The following TUBB8 variants were observed in gnomAD, a reference collection of about 807,000 sequenced individuals.
TUBB8 encodes the protein tubulin beta 8 class VIII.
TUBB8 carries 25 observed loss-of-function variants against 33.7 expected under a neutral mutation model. The ratio of observed to expected loss-of-function variants is 0.74; its 90% CI spans 0.54 to 1.04. The LOEUF is 1.04. Ranked by LOEUF, TUBB8 falls within the 50% of genes least tolerant of loss-of-function variation. The pLI, the probability that TUBB8 is intolerant of heterozygous loss-of-function variation, is 0.00. For missense variants in TUBB8, 279 were observed against 608.0 expected (o/e 0.46, Z 5.69); for synonymous variants, 245 against 240.1 (o/e 1.02, Z -0.19).
intron 1 of TUBB8, among the ~76,000 whole-genome samples, chr10:71,008 C>A (rs1342738509): frequency 6.6e-6 from 1 of 151,892 alleles, no homozygotes; most frequent in East Asian, 1.9e-4. Flanking sequence ...CTTAGAGATC[C>A]CCATCAAAAA....
upstream of TUBB8, chr10:49,908 T>G (rs1481624099): frequency 5.6e-6 from 1 of 179,812 alleles, no homozygotes; most frequent in African/African-American, 2.4e-5. Context: ...GGGATACGCC[T>G]GCTGTGAAAG....
upstream of TUBB8, among the ~76,000 whole-genome samples, chr10:51,360 G>T (rs1314648618): frequency 7.9e-5 from 12 of 151,888 alleles, no homozygotes; most frequent in African/African-American, 2.9e-4. Flanking sequence ...CCACTGCCTT[G>T]GACTCCCAAA....
At chr10:60,868 C>T (rs1410680553) in intron 1 of TUBB8, among the ~76,000 whole-genome samples, 3 of 151,912 alleles carry the variant, frequency 2.0e-5, no homozygotes, top group Non-Finnish European at 4.4e-5. Flanking sequence ...AAATGTGGCA[C>T]ATATACACCA....
intron 1 of TUBB8, among the ~76,000 whole-genome samples, chr10:58,691 A>G (rs1470121427): frequency 6.6e-6 from 1 of 152,238 alleles, no homozygotes; most frequent in African/African-American, 2.4e-5. Context: ...TCATGAAGAT[A>G]GTACCAAGTG....
upstream of TUBB8, among the ~76,000 whole-genome samples, chr10:53,837 A>G (rs1174862533): frequency 1.3e-5 from 2 of 152,296 alleles, no homozygotes; most frequent in East Asian, 3.8e-4. Context: ...CTGAAAAGCT[A>G]CTTCAAGCCA....
intron 1 of TUBB8, among the ~76,000 whole-genome samples, chr10:66,436 C>A (rs1296043241): frequency 1.3e-5 from 2 of 152,164 alleles, no homozygotes; most frequent in African/African-American, 4.8e-5. Context: ...ATCTTTTGAA[C>A]CCAGGAGTTT....
chr10:55,626 G>A (rs1265671668), intron 1 of TUBB8, among the ~76,000 whole-genome samples: 1 of 152,198 alleles, frequency 6.6e-6, no homozygotes, highest in East Asian at 1.9e-4. Flanking sequence ...TGAGGTGTTA[G>A]GTTTAAGTTT....
At chr10:52,379 A>T (rs1834479570), upstream of TUBB8, among the ~76,000 whole-genome samples, 1 of 152,228 alleles carries the variant, frequency 6.6e-6, no homozygotes, top group African/African-American at 2.4e-5. Flanking sequence ...CCTGACACAG[A>T]CCACAAAGTA....
chr10:68,853 G>A (rs1386626835), intron 1 of TUBB8, among the ~76,000 whole-genome samples: 1 of 152,182 alleles, frequency 6.6e-6, no homozygotes, highest in African/African-American at 2.4e-5. Flanking sequence ...TGGGAGAAAG[G>A]GTCTCTTTCC....
chr10:58,760 C>T (rs1554740493), intron 1 of TUBB8, among the ~76,000 whole-genome samples: 1 of 152,214 alleles, frequency 6.6e-6, no homozygotes, highest in African/African-American at 2.4e-5. Context: ...CCTGGCCCAC[C>T]TCCAACATGG....
At chr10:76,104 A>C (rs1257610105), upstream of TUBB8, among the ~76,000 whole-genome samples, 36 of 138,490 alleles carry the variant, frequency 2.6e-4, no homozygotes, top group South Asian at 4.5e-4. Flanking sequence ...GTGCCATTGC[A>C]CTCCAGCCTG....
At chr10:63,841 T>A (rs1259672232) in intron 1 of TUBB8, among the ~76,000 whole-genome samples, 1 of 152,180 alleles carries the variant, frequency 6.6e-6, no homozygotes, top group African/African-American at 2.4e-5. Context: ...ATGGCCTTGA[T>A]ACTTATAGAT....
intron 1 of TUBB8, among the ~76,000 whole-genome samples, chr10:69,263 G>A (rs543615498): frequency 6.6e-6 from 1 of 152,254 alleles, no homozygotes; most frequent in Admixed American, 6.5e-5. Flanking sequence ...CCAGTGGCCT[G>A]CAGTCTTGTA....
chr10:76,176 G>A (rs1360378122), upstream of TUBB8, among the ~76,000 whole-genome samples: 2 of 149,752 alleles, frequency 1.3e-5, no homozygotes, highest in African/African-American at 4.9e-5. Context: ...GCACCGATCA[G>A]GGGGCGTCTG....
intron 1 of TUBB8, among the ~76,000 whole-genome samples, chr10:65,683 C>T (rs1834661610): frequency 6.6e-6 from 1 of 152,218 alleles, no homozygotes; most frequent in Non-Finnish European, 1.5e-5. Context: ...CGAGATCGTG[C>T]CACTGCACTC....
rs1254859719 is a variant in TUBB8, at chr10:71,621, C to CA, written c.-846+2347dup. Among the ~76,000 whole-genome samples the CA allele has an allele frequency of 2.3e-3, 327 of 143,970 alleles. 1 individual carries two copies. Among genetic ancestry groups the CA allele is most frequent in the African/African-American group, 8.1e-3 (314 of 38,552 alleles). The allele number at this position is 143,970 out of a possible 152,430, so 94.4% of individuals were successfully genotyped here. A position where few individuals can be genotyped will look rare whatever the true frequency, so the allele number is the denominator to read the frequency against. On this transcript the variant is annotated intron_variant, in intron 1 of 3. Coordinates refer to the TUBB8 transcript ENST00000564130. The stretch of plus-strand genomic sequence containing the variant: ...GAGAAGAAAAAGTGAAAATCTGTCT[C>CA]AAAAAAAAAGTGGGGAGACCTTAGG...
upstream of TUBB8, among the ~76,000 whole-genome samples, chr10:76,152 A>AC (rs1465813057): frequency 1.3e-5 from 2 of 150,770 alleles, no homozygotes; most frequent in Non-Finnish European, 3.0e-5. Context: ...AAAAAAAAAA[A>AC]AAAAAAAACA....
intron 1 of TUBB8, among the ~76,000 whole-genome samples, chr10:54,909 C>T: frequency 6.6e-6 from 1 of 152,276 alleles, no homozygotes; most frequent in African/African-American, 2.4e-5. Flanking sequence ...AGGCACCTGA[C>T]ATGATGCCCA....
intron 1 of TUBB8, among the ~76,000 whole-genome samples, chr10:55,307 C>T (rs1364800705): frequency 6.6e-6 from 1 of 152,240 alleles, no homozygotes; most frequent in African/African-American, 2.4e-5. Context: ...CACCTTCTAC[C>T]AGGTCTCTCC....
Sources: allele counts gnomAD v4.1 joint callset (sites outside exome capture counted in the v4.1 genomes callset), GRCh38; gene constraint gnomAD v4.1.1; transcripts MANE v1.5; gene names NCBI Gene and HGNC (gene_info 2026-07-23, HGNC 2026-07-21).